Variants in JUP observed in about 807,000 individuals in gnomAD.
JUP encodes the protein catenin (cadherin-associated protein), gamma 80kDa.
Under a neutral mutation model 71.1 loss-of-function variants are expected in JUP, and 28 were observed. The observed-to-expected ratio is 0.39, with a 90% confidence interval of 0.29 to 0.54. The LOEUF is 0.54. Ranked by LOEUF, JUP falls within the 20% of genes least tolerant of loss-of-function variation. The pLI is 0.62. For missense variants in JUP, 869 were observed against 1,030.1 expected, an observed-to-expected ratio of 0.84 and a Z score of 2.14; for synonymous variants, 401 against 438.9, an observed-to-expected ratio of 0.91 and a Z score of 1.08.
intron 7 of JUP, among the ~76,000 whole-genome samples, chr17:41,763,846 A>G (rs915638337): frequency 1.3e-5 from 2 of 152,188 alleles, no homozygotes; most frequent in Non-Finnish European, 2.9e-5. Flanking sequence ...TCAGACGTCT[A>G]TCTCACTTCT....
At chr17:41,764,547 A>G (rs1915390778) in intron 7 of JUP, among the ~76,000 whole-genome samples, 166 bp downstream of exon 7, 1 of 151,122 alleles carries the variant, frequency 6.6e-6, no homozygotes, top group South Asian at 2.1e-4. Context: ...AAAAAAAAAA[A>G]AAAAAAAAAA....
At chr17:41,756,310 G>A in intron 12 of JUP, 96 bp from the exon 13 acceptor site, 1 of 1,289,312 alleles carries the variant, frequency 7.8e-7, no homozygotes, top group South Asian at 1.2e-5. Flanking sequence ...TTCTAAAAGA[G>A]GGGGCCAGGC....
chr17:41,765,529 T>C (rs1273589197), intron 5 of JUP, among the ~76,000 whole-genome samples: 2 of 151,990 alleles, frequency 1.3e-5, no homozygotes, highest in Non-Finnish European at 2.9e-5. Context: ...TTTCTGTAGT[T>C]TTTGGTAGAG....
intron 5 of JUP, 98 bp from the exon 6 acceptor site, chr17:41,765,165 G>A (rs985667638): frequency 8.3e-7 from 1 of 1,198,122 alleles, no homozygotes; most frequent in Non-Finnish European, 1.2e-6. Context: ...CTGAGCTTCA[G>A]CTAAAGCACG....
intron 1 of JUP, chr17:41,772,332 G>A (rs938034682): frequency 3.6e-6 from 1 of 278,686 alleles, no homozygotes; most frequent in Non-Finnish European, 7.1e-6. Context: ...CAAGCCATTG[G>A]GCAGGAAACT....
chr17:41,784,999 G>A (rs1597877465), intron 1 of JUP: 2 of 151,836 alleles, frequency 1.3e-5, no homozygotes, highest in East Asian at 3.9e-4. Context: ...AGGAAATTGG[G>A]AGCAGGGAAG....
intron 1 of JUP, among the ~76,000 whole-genome samples, chr17:41,780,940 G>A (rs1402596020): frequency 1.3e-5 from 2 of 152,080 alleles, no homozygotes; most frequent in Admixed American, 6.6e-5. Flanking sequence ...CAGCACTTTG[G>A]GAGGCCGAGG....
At chr17:41,763,390 C>A in intron 7 of JUP, 69 bp from the exon 8 acceptor site, 1 of 1,204,932 alleles carries the variant, frequency 8.3e-7, no homozygotes. Flanking sequence ...CGAATATGTC[C>A]AAGGGGAGTG....
chr17:41,759,614 C>T (rs35169582), intron 8 of JUP, among the ~76,000 whole-genome samples: 2,250 of 152,192 alleles, frequency 0.015, 67 homozygotes, highest in East Asian at 0.15. Flanking sequence ...CCCAGCAGGG[C>T]AGCTCTGGAA....
At chr17:41,760,771 G>T (rs1914682547) in intron 8 of JUP, among the ~76,000 whole-genome samples, 1 of 151,828 alleles carries the variant, frequency 6.6e-6, no homozygotes, top group Admixed American at 6.6e-5. Context: ...ATGTTGGCCA[G>T]GCTGGTCTCG....
In JUP at chr17:41,769,386, C is replaced by A. The variant is rs550487343; in HGVS notation, c.468+32G>T. The stretch of plus-strand genomic sequence containing the variant: ...ACATCTGCTCTCTCCCCTCCCTGCC[C>A]AGCCCCCACCCTAGCAGGGACCCTC... On this transcript the variant is annotated intron_variant, in intron 3 of 13. Transcript: ENST00000393931. 30 of 1,597,020 alleles carry A rather than the reference C, an allele frequency of 1.9e-5. No homozygotes were observed. In the African/African-American group the frequency reaches 3.6e-4, roughly 19 times the overall value.
At chr17:41,779,410 CT>C (rs1355406490) in intron 1 of JUP, among the ~76,000 whole-genome samples, 76 of 144,408 alleles carry the variant, frequency 5.3e-4, no homozygotes, top group African/African-American at 1.9e-3. Flanking sequence ...TCACTGCAAG[CT>C]CCGCCTCCCG....
Position 41,757,742 on chromosome 17 carries a change from C to G in JUP, c.1816G>C (p.Gly606Arg), listed in dbSNP as rs1371912642. Residue 606 changes from glycine (G) to arginine (R), a missense_variant, in exon 11 of 14, where the codon GGG becomes CGG. By Grantham distance (125) the Gly-to-Arg change is moderately radical (BLOSUM62 -2). Coordinates refer to ENST00000393931, the MANE Select transcript of JUP (RefSeq NM_002230.4). The part of the protein sequence containing the change: ...SVENIQRVAA[G>R]VLCELAQDKE... ...TCCTGGGCCAGCTCACACAGCACCC[C>G]GGCAGCCACGCGCTGGATGTTCTCC... is the stretch of plus-strand genomic sequence containing the variant. The G allele has an allele frequency of 6.2e-7, 1 of 1,612,686 alleles. No homozygotes were observed. Among genetic ancestry groups the G allele is most frequent in the Non-Finnish European group, 8.5e-7 (1 of 1,179,216 alleles).
chr17:41,772,906 C>T, intron 1 of JUP: 1 of 985,518 alleles, frequency 1.0e-6, no homozygotes, highest in Non-Finnish European at 1.2e-6. Context: ...GTCCTGGGAA[C>T]TGACCTGCAG....
rs115602123 is a variant in JUP at position 41,775,332 on chromosome 17, C to T, written c.-8-3470G>A. ...AGAACTCCTCCTGAGGAAGGGGTCA[C>T]GGGAGCTATTCCTGCAACAGGAAGG... On this transcript the variant is annotated intron_variant, in intron 1 of 13. Coordinates refer to ENST00000393931, the MANE Select transcript of JUP (RefSeq NM_002230.4). Among the ~76,000 whole-genome samples the T allele has an allele frequency of 6.0e-3, 913 of 152,262 alleles. 12 individuals are homozygous for T. The highest frequency in any genetic ancestry group is 0.021 in the African/African-American group (887 of 41,560).
At chr17:41,763,705 T>G (rs1555602656) in intron 7 of JUP, among the ~76,000 whole-genome samples, 1 of 151,996 alleles carries the variant, frequency 6.6e-6, no homozygotes, top group Non-Finnish European at 1.5e-5. Context: ...AGGAGGCAAT[T>G]GTTGAGGGGG....
chr17:41,769,288 A>T, intron 3 of JUP, 81 bp from the exon 4 acceptor site: 1 of 1,555,222 alleles, frequency 6.4e-7, no homozygotes, highest in Non-Finnish European at 8.8e-7. Context: ...GGAGGGCCCC[A>T]GTCAGACTCA....
chr17:41,757,868 C>T, intron 10 of JUP, 84 bp from the exon 11 acceptor site: 3 of 1,176,990 alleles, frequency 2.5e-6, no homozygotes, highest in Non-Finnish European at 3.6e-6. Context: ...CACTGCCCAC[C>T]TCCACCCTGT....
At chr17:41,773,038 C>T (rs906178788) in intron 1 of JUP, 14 of 970,552 alleles carry the variant, frequency 1.4e-5, no homozygotes, top group African/African-American at 1.1e-4. Context: ...TGGTCCCCCG[C>T]GTACAGATGC....
Sources: allele counts gnomAD v4.1 joint callset (sites outside exome capture counted in the v4.1 genomes callset), GRCh38; gene constraint gnomAD v4.1.1; transcripts MANE v1.5; gene names NCBI Gene and HGNC (gene_info 2026-07-23, HGNC 2026-07-21).